Variants in IL1RL1 observed in about 807,000 individuals in gnomAD.
IL1RL1 encodes the protein interleukin-1 receptor-like 1.
IL1RL1 carries 32 observed loss-of-function variants against 50.9 expected under a neutral mutation model. That is an observed-to-expected ratio of 0.63 (90% confidence interval 0.47 to 0.84). The LOEUF (loss-of-function observed/expected upper bound fraction) is 0.84. Ranked by LOEUF, IL1RL1 falls within the 40% of genes least tolerant of loss-of-function variation. The probability of loss-of-function intolerance (pLI) is 0.00; values close to 1 mark genes in which losing one functional copy is unlikely to be tolerated. For synonymous variants in IL1RL1, 275 were observed against 236.0 expected (o/e 1.17, Z -1.51); for missense variants, 773 against 662.9 (o/e 1.17, Z -1.82).
intron 9 of IL1RL1, among the ~76,000 whole-genome samples, 192 bp downstream of exon 9, chr2:102,348,283 G>A (rs1207080417): frequency 1.3e-5 from 2 of 152,190 alleles, no homozygotes; most frequent in East Asian, 1.9e-4. Context: ...AAATCCTCAC[G>A]GTCCTGAGAT....
chr2:102,345,597 C>T (rs1255200159), intron 8 of IL1RL1: 3 of 985,382 alleles, frequency 3.0e-6, no homozygotes, highest in Non-Finnish European at 3.6e-6. Flanking sequence ...GGACAGCGGG[C>T]CCCCAATATG....
chr2:102,327,158 T>C (rs1001617990), intron 1 of IL1RL1, among the ~76,000 whole-genome samples: 15 of 152,236 alleles, frequency 9.9e-5, no homozygotes, highest in Middle Eastern at 6.8e-3. Flanking sequence ...AACTCTCTCT[T>C]AGACCACAGT....
Position 102,348,002 on chromosome 2 carries a change from T to C in IL1RL1, c.1028T>C (p.Ile343Thr), listed in dbSNP as rs767654414. Reference protein sequence around the residue: ...IAVCSVFLMLINVLVIILKMF... With the variant: ...IAVCSVFLMLTNVLVIILKMF... The stretch of plus-strand genomic sequence containing the variant: ...GTATGTAGTGTATTTTTAATGCTAA[T>C]CAATGTCCTGGTTATCATCCTAAAA... The change falls in exon 9 of 11, where the codon ATC (isoleucine) becomes ACC (threonine). Residue 343 changes from isoleucine to threonine, a missense_variant. Transcript: ENST00000233954. The C allele has an allele frequency of 4.4e-6, 7 of 1,580,740 alleles. No individual in the cohort carries two copies. Among genetic ancestry groups the C allele is most frequent in the Middle Eastern group, 1.7e-4 (1 of 6,032 alleles).
chr2:102,312,276 T>C (rs976750379), intron 1 of IL1RL1, among the ~76,000 whole-genome samples: 2 of 147,850 alleles, frequency 1.4e-5, no homozygotes, highest in Non-Finnish European at 3.0e-5. Context: ...TAATATAATA[T>C]ATAATGTAAT....
downstream of IL1RL1, chr2:102,352,100 A>C (rs1677953252): frequency 1.7e-6 from 1 of 590,838 alleles, no homozygotes; most frequent in Non-Finnish European, 2.8e-6. Flanking sequence ...AATGGCCAGA[A>C]ATTTTTCTCC....
chr2:102,345,173 A>G, intron 8 of IL1RL1: 1 of 942,980 alleles, frequency 1.1e-6, no homozygotes, highest in Non-Finnish European at 1.3e-6. Context: ...CACTATGCCC[A>G]GACAATGTGA....
chr2:102,321,345 G>A (rs1290169208), intron 1 of IL1RL1, among the ~76,000 whole-genome samples: 5 of 152,128 alleles, frequency 3.3e-5, no homozygotes, highest in Non-Finnish European at 5.9e-5. Flanking sequence ...GTGCATTGCT[G>A]TATCCCCAGC....
At chr2:102,324,746 G>A (rs182789807) in intron 1 of IL1RL1, among the ~76,000 whole-genome samples, 8 of 152,286 alleles carry the variant, frequency 5.3e-5, no homozygotes, top group East Asian at 1.9e-4. Context: ...GTGGAGCCTC[G>A]CTCGTTGCTA....
At position 102,343,287 on chromosome 2, in the gene IL1RL1, C is replaced by G. The variant is rs768009306; in HGVS notation, c.842C>G (p.Ala281Gly). 3.7e-6 allele frequency: 6 copies of G among 1,614,226 alleles called. No homozygotes were observed. The highest frequency in any genetic ancestry group is 3.3e-5 in the Admixed American group (2 of 60,028). Residue 281 changes from alanine to glycine, a missense_variant, in exon 8 of 11, where the codon GCT becomes GGT. Physicochemically the swap from Ala to Gly is moderately conservative, Grantham distance 60 (BLOSUM62 0). Transcript: ENST00000233954. ...GQNQSFSNGL[A>G]CLDMVLRIAD... is the part of the protein sequence containing the mutation. ...TTTCTTAGTTTCAGCAATGGGCTGG[C>G]TTGTCTAGACATGGTTTTAAGAATA...
In IL1RL1 at chr2:102,341,310, G is replaced by T. The variant is rs1041921521; in HGVS notation, c.610+482G>T. The T allele has an allele frequency of 4.0e-6, 5 of 1,241,876 alleles. No individual in the cohort carries two copies. In the Admixed American group the frequency reaches 1.0e-4, roughly 25 times the overall value. 76.9% of individuals were successfully genotyped at this position (1,241,876 alleles called of 1,614,324 possible). On this transcript the variant is annotated intron_variant, in intron 5 of 10. Coordinates refer to ENST00000233954, the MANE Select transcript of IL1RL1 (RefSeq NM_016232.5). ...TGGTGTACATAAATGTTGTCGAGTG[G>T]TTTTTAATCTTTGTTTGCAATACTT... is the stretch of plus-strand genomic sequence containing the variant.
chr2:102,312,004 TATATATATTA>T (rs1676521593), intron 1 of IL1RL1, among the ~76,000 whole-genome samples: 1 of 34,010 alleles, frequency 2.9e-5, no homozygotes, highest in African/African-American at 1.1e-4. Context: ...ATAATATATT[TATATATATTA>T]TATATAATAT....
intron 1 of IL1RL1, among the ~76,000 whole-genome samples, chr2:102,328,245 T>C (rs1033887162): frequency 8.5e-5 from 13 of 152,148 alleles, no homozygotes; most frequent in African/African-American, 3.1e-4. Context: ...ACAGAACCAA[T>C]GACAAAAACC....
chr2:102,317,990 T>C (rs1375039933), intron 1 of IL1RL1, among the ~76,000 whole-genome samples: 2 of 152,086 alleles, frequency 1.3e-5, no homozygotes, highest in Non-Finnish European at 2.9e-5. Context: ...AGGACAAAAG[T>C]GCACGTGTTG....
intron 1 of IL1RL1, among the ~76,000 whole-genome samples, chr2:102,319,555 A>G (rs1429134510): frequency 1.3e-5 from 2 of 152,194 alleles, no homozygotes; most frequent in African/African-American, 4.8e-5. Flanking sequence ...AACAATTACC[A>G]AATATTTATT....
chr2:102,311,743 T>C (rs1676477229), intron 1 of IL1RL1, 120 bp downstream of exon 1: 2 of 126,152 alleles, frequency 1.6e-5, no homozygotes, highest in South Asian at 2.2e-4. Context: ...TAACATTATA[T>C]GTTATAATAA....
At chr2:102,328,277 C>T (rs977677139) in intron 1 of IL1RL1, among the ~76,000 whole-genome samples, 2 of 152,090 alleles carry the variant, frequency 1.3e-5, no homozygotes, top group African/African-American at 4.8e-5. Flanking sequence ...TCAATAGATG[C>T]AGAAAAGGCC....
intron 4 of IL1RL1, 131 bp from the exon 5 acceptor site, chr2:102,340,535 C>T (rs950522023): frequency 2.2e-6 from 2 of 914,294 alleles, no homozygotes; most frequent in Admixed American, 5.4e-5. Context: ...ATCACTTGAA[C>T]CTAGAAGGCA....
chr2:102,346,737 C>T (rs1402648471), intron 8 of IL1RL1, among the ~76,000 whole-genome samples: 1 of 152,188 alleles, frequency 6.6e-6, no homozygotes, highest in Non-Finnish European at 1.5e-5. Context: ...AATTTTGTGT[C>T]ACATCACCTT....
Position 102,343,163 on chromosome 2 carries a change from A to G in IL1RL1, c.810A>G (p.Glu270=), listed in dbSNP as rs1366048286. ...GTGAACCAAGAATTCAACAAGAGGA[A>G]GGGCAAAATCAAAGGTATTTTTATA... ...DFGEPRIQQE[E]GQNQSFSNGL... Residue 270 remains glutamate, a synonymous_variant, in exon 7 of 11, where the codon GAA becomes GAG. Transcript: ENST00000233954. The G allele has an allele frequency of 6.2e-7, 1 of 1,614,150 alleles. No homozygotes were observed. The highest frequency in any genetic ancestry group is 1.7e-5 in the Admixed American group (1 of 60,028).
Sources: gnomAD v4.1 joint callset for allele counts (sites outside exome capture counted in the v4.1 genomes callset) on GRCh38, gnomAD v4.1.1 for gene constraint, MANE v1.5 for transcripts, NCBI Gene and HGNC (gene_info 2026-07-23, HGNC 2026-07-21) for gene names.